The following OXR1 variants were observed in gnomAD, a reference collection of about 807,000 sequenced individuals.
OXR1 encodes the protein oxidation resistance protein 1.
In OXR1, 41 loss-of-function variants were observed where a neutral mutation model predicts 104.6. That is an observed-to-expected ratio of 0.39 (90% CI 0.31 to 0.51). The LOEUF (loss-of-function observed/expected upper bound fraction) is 0.51. Ranked by LOEUF, OXR1 falls within the 20% of genes least tolerant of loss-of-function variation. The pLI is 0.77. For synonymous variants in OXR1, 348 were observed against 348.4 expected (o/e 1.00, Z 0.01); for missense variants, 955 against 1,031.9 (o/e 0.93, Z 1.02).
intron 2 of OXR1, among the ~76,000 whole-genome samples, chr8:106,420,615 T>C (rs2130534261): frequency 6.6e-6 from 1 of 152,026 alleles, no homozygotes; most frequent in African/African-American, 2.4e-5. Flanking sequence ...ATACCTAAAA[T>C]AGCTTAAAGC....
intron 8 of OXR1, among the ~76,000 whole-genome samples, chr8:106,703,423 A>G (rs1830758089): frequency 6.6e-6 from 1 of 152,146 alleles, no homozygotes; most frequent in Non-Finnish European, 1.5e-5. Context: ...CACTGTTGGG[A>G]TAATTTTCAA....
At chr8:106,427,842 G>A (rs1172085034) in intron 2 of OXR1, among the ~76,000 whole-genome samples, 1 of 152,096 alleles carries the variant, frequency 6.6e-6, no homozygotes, top group African/African-American at 2.4e-5. Context: ...TTAGTTGGGG[G>A]ACAGAGGCTG....
intron 2 of OXR1, among the ~76,000 whole-genome samples, chr8:106,423,002 C>T (rs1306241757): frequency 6.6e-6 from 1 of 152,110 alleles, no homozygotes; most frequent in Non-Finnish European, 1.5e-5. Context: ...CCAGCATTCT[C>T]AAACATTCTA....
chr8:106,386,020 G>T (rs1338978126), intron 2 of OXR1, among the ~76,000 whole-genome samples: 1 of 152,110 alleles, frequency 6.6e-6, no homozygotes, highest in Non-Finnish European at 1.5e-5. Context: ...CATGTGATGG[G>T]TACTTTTGTG....
chr8:106,607,970 T>C (rs1259546309), intron 3 of OXR1, among the ~76,000 whole-genome samples: 1 of 152,176 alleles, frequency 6.6e-6, no homozygotes. Context: ...TTTGACTTTA[T>C]TTTGAAGGTA....
At chr8:106,622,061 C>A (rs1821749243) in intron 3 of OXR1, among the ~76,000 whole-genome samples, 1 of 152,140 alleles carries the variant, frequency 6.6e-6, no homozygotes, top group Admixed American at 6.6e-5. Flanking sequence ...AAACTATATT[C>A]TTATTTCCAT....
chr8:106,730,193 A>G (rs1833750278), intron 11 of OXR1, among the ~76,000 whole-genome samples: 1 of 152,140 alleles, frequency 6.6e-6, no homozygotes, highest in Non-Finnish European at 1.5e-5. Context: ...TTCACAAATG[A>G]CATTAGTGTG....
chr8:106,407,718 C>T (rs1006772295), intron 2 of OXR1, among the ~76,000 whole-genome samples: 4 of 152,140 alleles, frequency 2.6e-5, no homozygotes, highest in African/African-American at 7.2e-5. Context: ...AGCAACTGTA[C>T]GTGTACAATT....
intron 2 of OXR1, among the ~76,000 whole-genome samples, chr8:106,427,550 A>G (rs1160455755): frequency 2.0e-5 from 3 of 152,140 alleles, no homozygotes; most frequent in Non-Finnish European, 4.4e-5. Flanking sequence ...GTATATTGTC[A>G]TCAGTTGCTT....
At chr8:106,379,665 G>A (rs999609473) in intron 2 of OXR1, among the ~76,000 whole-genome samples, 26 of 150,860 alleles carry the variant, frequency 1.7e-4, no homozygotes, top group African/African-American at 6.3e-4. Flanking sequence ...AGCCTCCCGA[G>A]TAGCTGGGAT....
intron 11 of OXR1, among the ~76,000 whole-genome samples, chr8:106,733,879 T>C (rs1045919359): frequency 4.0e-5 from 6 of 150,484 alleles, no homozygotes; most frequent in African/African-American, 1.2e-4. Flanking sequence ...TATGGCTCCC[T>C]CCCCTCTTCC....
At chr8:106,631,056 A>G (rs889150411) in intron 3 of OXR1, among the ~76,000 whole-genome samples, 10 of 152,232 alleles carry the variant, frequency 6.6e-5, no homozygotes, top group Admixed American at 5.2e-4. Flanking sequence ...TTCAATAATG[A>G]AAAGTAAGAA....
chr8:106,483,706 A>T (rs1046486482), intron 2 of OXR1, among the ~76,000 whole-genome samples: 1 of 152,076 alleles, frequency 6.6e-6, no homozygotes, highest in Non-Finnish European at 1.5e-5. Context: ...TAATTTGATT[A>T]TATGCAGATT....
chr8:106,560,983 T>C (rs1487990376), intron 3 of OXR1, among the ~76,000 whole-genome samples: 4 of 152,140 alleles, frequency 2.6e-5, no homozygotes, highest in Non-Finnish European at 1.5e-5. Flanking sequence ...CCGGCCCAGA[T>C]ACTATGCTTT....
intron 2 of OXR1, among the ~76,000 whole-genome samples, chr8:106,443,679 T>C (rs1364528358): frequency 6.6e-6 from 1 of 152,214 alleles, no homozygotes; most frequent in East Asian, 1.9e-4. Context: ...CTTTGTCTTT[T>C]TTGATCTTTG....
At chr8:106,726,309 G>A (rs1318015882) in intron 11 of OXR1, 3 of 1,464,386 alleles carry the variant, frequency 2.0e-6, no homozygotes, top group Non-Finnish European at 2.8e-6. Flanking sequence ...AATACACTCT[G>A]GTAAATCTTA....
At chr8:106,697,649 T>C (rs1830182380) in intron 7 of OXR1, 1 of 1,613,836 alleles carries the variant, frequency 6.2e-7, no homozygotes, top group Non-Finnish European at 8.5e-7. Context: ...ACACAGGCCA[T>C]GTTCTTTCCT....
intron 3 of OXR1, among the ~76,000 whole-genome samples, chr8:106,594,501 T>A (rs10092734): frequency 4.0e-5 from 6 of 150,090 alleles, no homozygotes; most frequent in South Asian, 2.3e-4. Context: ...CCTTAACTGC[T>A]GCTTTTGTTT....
At chr8:106,732,182 A>G (rs1490240723) in intron 11 of OXR1, among the ~76,000 whole-genome samples, 3 of 152,060 alleles carry the variant, frequency 2.0e-5, no homozygotes, top group Non-Finnish European at 4.4e-5. Flanking sequence ...CCAAGTTTTC[A>G]TTGCTGATAT....
Sources: gnomAD v4.1 joint callset for allele counts (sites outside exome capture counted in the v4.1 genomes callset) on GRCh38, gnomAD v4.1.1 for gene constraint, MANE v1.5 for transcripts, NCBI Gene and HGNC (gene_info 2026-07-23, HGNC 2026-07-21) for gene names.